The following TOX2 variants were observed in gnomAD, a reference collection of about 807,000 sequenced individuals.
The protein encoded by TOX2 is TOX high mobility group box family member 2, also known as granulosa cell HMG box 1.
In TOX2, 15 loss-of-function variants were observed where a neutral mutation model predicts 47.4. That is an observed-to-expected ratio of 0.32 (90% CI 0.21 to 0.49). The LOEUF (loss-of-function observed/expected upper bound fraction) is 0.49. TOX2 is among the 20% of genes least tolerant of loss of function. The pLI is 0.99. For synonymous variants in TOX2, 290 were observed against 296.6 expected (o/e 0.98, Z 0.23); for missense variants, 622 against 673.1 (o/e 0.92, Z 0.84).
intron 3 of TOX2, among the ~76,000 whole-genome samples, chr20:44,009,088 G>A (rs998935115): frequency 3.9e-5 from 6 of 152,294 alleles, no homozygotes; most frequent in African/African-American, 1.4e-4. Flanking sequence ...CATGGTTTGG[G>A]GTGGCTTGTG....
At position 44,011,699 on chromosome 20, in the gene TOX2, G is replaced by A. The variant is rs907567874; in HGVS notation, c.411+4907G>A. Among the ~76,000 whole-genome samples, 9 of 152,340 alleles carry A rather than the reference G, an allele frequency of 5.9e-5. No individual in the cohort carries two copies. The South Asian group carries it at 6.2e-4, about 11-fold the overall frequency. On this transcript the variant is annotated intron_variant, in intron 3 of 8. Coordinates refer to ENST00000341197, the MANE Select transcript of TOX2 (RefSeq NM_001098797.2). ...CGCTGATGGCCAGGGTGCTTCAGGC[G>A]TTGTCTGCACAGATCGAGATACACT...
At chr20:43,964,910 A>G (rs556392467) in intron 1 of TOX2, among the ~76,000 whole-genome samples, 11 of 152,124 alleles carry the variant, frequency 7.2e-5, no homozygotes, top group African/African-American at 2.6e-4. Context: ...TTCCTACATC[A>G]TGGAGCCTCC....
At position 44,068,636 on chromosome 20, in the gene TOX2, C is replaced by CCT. The variant is rs1309039892; in HGVS notation, c.1485-6_1485-5dup. On this transcript the variant is annotated splice_polypyrimidine_tract_variant and intron_variant, in intron 8 of 8. Coordinates refer to ENST00000341197, the MANE Select transcript of TOX2 (RefSeq NM_001098797.2). ...GTACCCAACAGCTTTGACAGCCCCT[C>CCT]CTCTCTCTCACAGCCTGCTCCCCAG... 1.9e-6 allele frequency: 3 copies of CCT among 1,608,868 alleles called. No individual in the cohort carries two copies. The highest frequency in any genetic ancestry group is 1.7e-6 in the Non-Finnish European group (2 of 1,176,072).
chr20:43,964,807 T>C (rs8123915), intron 1 of TOX2, among the ~76,000 whole-genome samples: 19,815 of 152,130 alleles, frequency 0.13, 1,543 homozygotes, highest in African/African-American at 0.22. Context: ...AGCTCTGGGA[T>C]AAGGGCTGGT....
At chr20:43,984,446 T>C (rs1220751230) in intron 2 of TOX2, among the ~76,000 whole-genome samples, 2 of 152,178 alleles carry the variant, frequency 1.3e-5, no homozygotes, top group Non-Finnish European at 2.9e-5. Context: ...CCTAAACACA[T>C]ACTCAGAAAA....
At chr20:43,938,753 G>A (rs2069362615) in intron 1 of TOX2, among the ~76,000 whole-genome samples, 1 of 152,204 alleles carries the variant, frequency 6.6e-6, no homozygotes, top group Admixed American at 6.5e-5. Context: ...CTGAACTGGA[G>A]GCCCAGCCAC....
chr20:44,025,924 A>G (rs6103567), intron 3 of TOX2, among the ~76,000 whole-genome samples: 4,883 of 151,956 alleles, frequency 0.032, 215 homozygotes, highest in African/African-American at 0.094. Context: ...CCATTTGTGG[A>G]GCCTTCCAAA....
At chr20:44,001,746 C>G (rs192885066) in intron 2 of TOX2, among the ~76,000 whole-genome samples, 16 of 152,192 alleles carry the variant, frequency 1.1e-4, no homozygotes, top group Admixed American at 7.2e-4. Context: ...AGGGAGGTGT[C>G]GGTCAAAACA....
At chr20:43,943,571 G>T (rs1254705518) in intron 1 of TOX2, among the ~76,000 whole-genome samples, 2 of 152,184 alleles carry the variant, frequency 1.3e-5, no homozygotes, top group Admixed American at 6.5e-5. Context: ...GAGGACAGGG[G>T]CAGTGTCCTG....
intron 3 of TOX2, among the ~76,000 whole-genome samples, chr20:44,026,228 GATAT>G (rs6147358): frequency 3.3e-5 from 2 of 60,220 alleles, no homozygotes; most frequent in Non-Finnish European, 3.1e-5. Context: ...AAGAAACTGT[GATAT>G]ATATATATAT....
At chr20:43,934,136 G>GGAGAGAGAGAGAGAGAGAGA (rs56662660) in intron 1 of TOX2, among the ~76,000 whole-genome samples, 22 of 122,162 alleles carry the variant, frequency 1.8e-4, no homozygotes, top group African/African-American at 4.6e-4. Flanking sequence ...CCCAAGGTAA[G>GGAGAGAGAGAGAGAGAGAGA]GAGAGAGAGA....
At chr20:43,941,927 C>T (rs1227382587) in intron 1 of TOX2, among the ~76,000 whole-genome samples, 1 of 152,164 alleles carries the variant, frequency 6.6e-6, no homozygotes, top group Non-Finnish European at 1.5e-5. Flanking sequence ...CTGATATGGG[C>T]TTGGTTGCTA....
At chr20:43,938,789 C>T (rs1004864589) in intron 1 of TOX2, among the ~76,000 whole-genome samples, 3 of 152,190 alleles carry the variant, frequency 2.0e-5, no homozygotes, top group African/African-American at 4.8e-5. Context: ...GAGCATTTGT[C>T]GCTCCCTGCA....
chr20:44,057,171 T>A (rs577177517), intron 5 of TOX2, among the ~76,000 whole-genome samples: 1 of 152,364 alleles, frequency 6.6e-6, no homozygotes, highest in Admixed American at 6.5e-5. Flanking sequence ...TCATCCCACC[T>A]TGGCCTCCCA....
Position 44,020,885 on chromosome 20 carries a change from T to C in TOX2, c.411+14093T>C, listed in dbSNP as rs143082386. Among the ~76,000 whole-genome samples the C allele has an allele frequency of 4.1e-3, 618 of 152,272 alleles. 8 individuals are homozygous for C. Among genetic ancestry groups the C allele is most frequent in the African/African-American group, 0.014 (592 of 41,546 alleles). ...TCACACTGAGGATGGTTGCAGACTT[T>C]TTCCCCCCAGAGGAACTCGAGGACC... On this transcript the variant is annotated intron_variant, in intron 3 of 8. Coordinates refer to ENST00000341197, the MANE Select transcript of TOX2 (RefSeq NM_001098797.2).
chr20:43,963,553 G>A (rs550887608), intron 1 of TOX2, among the ~76,000 whole-genome samples: 10 of 152,292 alleles, frequency 6.6e-5, no homozygotes, highest in African/African-American at 2.2e-4. Context: ...CTCAGCTCAG[G>A]CAGGTCTTGG....
intron 1 of TOX2, chr20:43,945,803 G>C (rs927512221): frequency 6.8e-7 from 1 of 1,466,338 alleles, no homozygotes; most frequent in Non-Finnish European, 9.3e-7. Context: ...TTATACGAAT[G>C]GGATGGGGGG....
intron 2 of TOX2, among the ~76,000 whole-genome samples, chr20:43,977,091 A>G (rs1345218642): frequency 6.6e-6 from 1 of 152,226 alleles, no homozygotes; most frequent in Non-Finnish European, 1.5e-5. Flanking sequence ...ATTTGCTTCC[A>G]GAACATCCAA....
intron 3 of TOX2, among the ~76,000 whole-genome samples, chr20:44,026,246 TATAGAC>T (rs1230336795): frequency 2.9e-5 from 3 of 102,940 alleles, no homozygotes; most frequent in Admixed American, 8.5e-5. Context: ...TATATATATA[TATAGAC>T]ACACACACAC....
Sources: allele counts gnomAD v4.1 joint callset (sites outside exome capture counted in the v4.1 genomes callset), GRCh38; gene constraint gnomAD v4.1.1; transcripts MANE v1.5; gene names NCBI Gene and HGNC (gene_info 2026-07-23, HGNC 2026-07-21).